CNGB3: variants seen among roughly 807,000 people sequenced by gnomAD.
CNGB3 encodes cyclic nucleotide gated channel subunit beta 3, also known as cyclic nucleotide-gated channel beta-3.
In CNGB3, 86 loss-of-function variants were observed where a neutral mutation model predicts 92.8. The ratio of observed to expected loss-of-function variants is 0.93; its 90% CI spans 0.78 to 1.11. The LOEUF (loss-of-function observed/expected upper bound fraction) is 1.11. Ranked by LOEUF, CNGB3 falls within the 50% of genes least tolerant of loss-of-function variation. CNGB3 has a pLI of 0.00. For missense variants in CNGB3, 1,026 were observed against 956.8 expected (o/e 1.07, Z -0.95); for synonymous variants, 333 against 332.7 (o/e 1.00, Z -0.01).
At chr8:86,685,064 A>G (rs1156782052) in intron 3 of CNGB3, among the ~76,000 whole-genome samples, 2 of 152,124 alleles carry the variant, frequency 1.3e-5, no homozygotes, top group Non-Finnish European at 2.9e-5. Context: ...ATCATTTTCA[A>G]TATCCTGGTT....
chr8:86,701,910 A>G (rs757744642), intron 3 of CNGB3, among the ~76,000 whole-genome samples: 15 of 152,212 alleles, frequency 9.9e-5, no homozygotes, highest in Non-Finnish European at 1.8e-4. Flanking sequence ...AAAGAAAAAT[A>G]TGAGTTTTAA....
At chr8:86,732,025 GA>G (rs1438959600) in intron 2 of CNGB3, among the ~76,000 whole-genome samples, 2 of 152,098 alleles carry the variant, frequency 1.3e-5, no homozygotes, top group African/African-American at 4.8e-5. Flanking sequence ...GAGTTTAATT[GA>G]ATTATGTAAA....
intron 11 of CNGB3, 107 bp downstream of exon 11, chr8:86,632,645 A>T: frequency 8.3e-7 from 1 of 1,210,250 alleles, no homozygotes; most frequent in Non-Finnish European, 1.2e-6. Flanking sequence ...TAGTTCAAAA[A>T]AAGAAGAACC....
intron 15 of CNGB3, among the ~76,000 whole-genome samples, chr8:86,587,653 T>A (rs867528210): frequency 1.3e-5 from 2 of 151,528 alleles, no homozygotes; most frequent in Non-Finnish European, 2.9e-5. Flanking sequence ...GTTGTAGATA[T>A]GCGGCGTTAT....
At chr8:86,726,154 A>C (rs1412031372) in intron 3 of CNGB3, among the ~76,000 whole-genome samples, 1 of 152,232 alleles carries the variant, frequency 6.6e-6, no homozygotes, top group Non-Finnish European at 1.5e-5. Context: ...AAATATTCAC[A>C]GAATTGGAAT....
chr8:86,595,883 A>C (rs1028965901), intron 15 of CNGB3, among the ~76,000 whole-genome samples: 2 of 152,238 alleles, frequency 1.3e-5, no homozygotes, highest in African/African-American at 2.4e-5. Context: ...TCGCCATTTC[A>C]CATTGATATA....
At chr8:86,658,172 G>T in intron 6 of CNGB3, 1 of 540,954 alleles carries the variant, frequency 1.8e-6, no homozygotes, top group Non-Finnish European at 3.4e-6. Context: ...GAGGCCACCA[G>T]GTGAGCCAGA....
chr8:86,578,703 C>G lies in CNGB3; in HGVS notation c.2089G>C (p.Glu697Gln), dbSNP rs1370130915. The G allele has an allele frequency of 1.2e-6, 2 of 1,613,998 alleles. No individual in the cohort carries two copies. Among genetic ancestry groups the G allele is most frequent in the East Asian group, 2.2e-5 (1 of 44,860 alleles). The change falls in exon 17 of 18, where the codon GAG becomes CAG. Residue 697 changes from glutamate (E) to glutamine (Q), a missense_variant. By Grantham distance (29) the Glu-to-Gln change is conservative. Coordinates refer to ENST00000320005, the MANE Select transcript of CNGB3 (RefSeq NM_019098.5). ...SLARLLKLKREQAAQKKENSE... is the reference protein window; with the variant it reads ...SLARLLKLKRQQAAQKKENSE... ...CACCTTATTACCTGAGCTGCTTGCT[C>G]TCGCTTCAATTTGAGTAGTCTTGCA...
intron 2 of CNGB3, among the ~76,000 whole-genome samples, chr8:86,737,308 GA>G (rs960972193): frequency 5.9e-5 from 9 of 151,998 alleles, no homozygotes; most frequent in African/African-American, 1.7e-4. Flanking sequence ...ATTAATTCAG[GA>G]AAAAAATCAA....
chr8:86,681,407 G>A (rs1824081314), intron 3 of CNGB3, among the ~76,000 whole-genome samples: 1 of 152,134 alleles, frequency 6.6e-6, no homozygotes, highest in Admixed American at 6.6e-5. Context: ...CAGGACAACA[G>A]GTGTAAAAGT....
intron 6 of CNGB3, among the ~76,000 whole-genome samples, chr8:86,665,493 A>T (rs1282475269): frequency 1.3e-5 from 2 of 150,554 alleles, no homozygotes; most frequent in African/African-American, 4.9e-5. Context: ...CATTATTCAC[A>T]ATAGCAAAGA....
chr8:86,581,116 C>A (rs1376734365), intron 15 of CNGB3, among the ~76,000 whole-genome samples: 2 of 152,116 alleles, frequency 1.3e-5, no homozygotes, highest in South Asian at 2.1e-4. Flanking sequence ...GTCCTTACAA[C>A]AAGAAAAAGC....
In CNGB3 at chr8:86,624,240, G is replaced by A. The variant is rs190160142; in HGVS notation, c.1578+1743C>T. On this transcript the variant is annotated intron_variant, in intron 13 of 17. Transcript: ENST00000320005. ...TCAAGACCAGCCTGGCCAACATGGCGAAACCCCGTCTCTACTAAAAATACA... is the reference window on the plus strand; with the variant it reads ...TCAAGACCAGCCTGGCCAACATGGCAAAACCCCGTCTCTACTAAAAATACA... 9.2e-3 allele frequency among the ~76,000 whole-genome samples: 1,403 copies of A among 152,216 alleles called. 17 individuals are homozygous for A. Among genetic ancestry groups the A allele is most frequent in the African/African-American group, 0.031 (1,308 of 41,548 alleles).
rs369803358 is a variant in CNGB3 at position 86,695,875 on chromosome 8, TG to T, written c.339-24778del. 2.0e-3 allele frequency among the ~76,000 whole-genome samples: 308 copies of T among 152,284 alleles called. 2 individuals carry two copies. The highest frequency in any genetic ancestry group is 6.9e-3 in the African/African-American group (288 of 41,574). On this transcript the variant is annotated intron_variant, in intron 3 of 17. Transcript: ENST00000320005. ...GGTGCTCTCCCCCTTCTCTTCGAGATGGGGCTTCCTGAGAGCTAGACCACAG... is the reference window on the plus strand; with the variant it reads ...GGTGCTCTCCCCCTTCTCTTCGAGATGGGCTTCCTGAGAGCTAGACCACAG...
intron 3 of CNGB3, among the ~76,000 whole-genome samples, chr8:86,712,098 G>T (rs949124789): frequency 6.6e-6 from 1 of 151,838 alleles, no homozygotes; most frequent in African/African-American, 2.4e-5. Flanking sequence ...ACGGATGAAA[G>T]ATATCAATTT....
chr8:86,653,394 TA>T (rs1434105001), intron 7 of CNGB3, among the ~76,000 whole-genome samples: 1 of 151,976 alleles, frequency 6.6e-6, no homozygotes, highest in African/African-American at 2.4e-5. Context: ...GTCTGAGACC[TA>T]AACCCAGATT....
intron 10 of CNGB3, among the ~76,000 whole-genome samples, chr8:86,635,832 A>G: frequency 1.9e-5 from 1 of 53,020 alleles, no homozygotes; most frequent in Non-Finnish European, 3.3e-5. Context: ...ATATATATAT[A>G]TATATATATA....
intron 15 of CNGB3, among the ~76,000 whole-genome samples, chr8:86,586,337 A>T (rs916315188): frequency 1.7e-4 from 4 of 24,076 alleles, no homozygotes; most frequent in Non-Finnish European, 1.1e-3. Context: ...TTTTTTTTTA[A>T]ATTTTTTTTT....
At chr8:86,657,737 C>A in intron 6 of CNGB3, 3 of 468,900 alleles carry the variant, frequency 6.4e-6, no homozygotes, top group Non-Finnish European at 1.3e-5. Context: ...GCTCCTGCAG[C>A]TCCTGCAGCT....
Sources: gnomAD v4.1 joint callset for allele counts (sites outside exome capture counted in the v4.1 genomes callset) on GRCh38, gnomAD v4.1.1 for gene constraint, MANE v1.5 for transcripts, NCBI Gene and HGNC (gene_info 2026-07-23, HGNC 2026-07-21) for gene names.